The following SHOC2 variants were observed in gnomAD, a reference collection of about 807,000 sequenced individuals.
The protein encoded by SHOC2 is SHOC2 leucine rich repeat scaffold protein.
SHOC2 carries 4 observed loss-of-function variants against 50.2 expected under a neutral mutation model. The ratio of observed to expected loss-of-function variants is 0.08; its 90% CI spans 0.04 to 0.18. The LOEUF is 0.18. Among genes scored for constraint, SHOC2 ranks in the 10% least tolerant of loss-of-function variants. SHOC2 has a pLI of 1.00. For synonymous variants in SHOC2, 218 were observed against 244.5 expected, an observed-to-expected ratio of 0.89 and a Z score of 1.01; for missense variants, 388 against 669.6, an observed-to-expected ratio of 0.58 and a Z score of 4.64.
In SHOC2 at chr10:110,936,573, A is replaced by G. The variant is rs773070193; in HGVS notation, c.-235+16916A>G. 7 of 512,046 alleles carry G rather than the reference A, an allele frequency of 1.4e-5. 1 individual carries two copies. The highest frequency in any genetic ancestry group is 2.3e-5 in the Non-Finnish European group (7 of 302,744). The allele number at this position is 512,046 out of a possible 1,614,324, so 31.7% of individuals were successfully genotyped here. On this transcript the variant is annotated intron_variant, in intron 1 of 8. Transcript: ENST00000369452. The stretch of plus-strand genomic sequence containing the variant: ...GCATCAGCTTTTCTTAGGAAAGGGC[A>G]TGTCCTTTTCTTTTCCTTTTTTTTT...
chr10:110,940,658 T>C (rs1037832133), intron 1 of SHOC2, among the ~76,000 whole-genome samples: 1 of 152,200 alleles, frequency 6.6e-6, no homozygotes, highest in Non-Finnish European at 1.5e-5. Flanking sequence ...TATTGTCATC[T>C]TTATTTACTG....
chr10:110,958,475 A>G (rs1306239174), intron 1 of SHOC2, among the ~76,000 whole-genome samples: 1 of 151,990 alleles, frequency 6.6e-6, no homozygotes, highest in Non-Finnish European at 1.5e-5. Context: ...GCCTCCCAAG[A>G]TGCTAGGATT....
chr10:111,002,368 C>T (rs1848394718), intron 4 of SHOC2, among the ~76,000 whole-genome samples: 1 of 152,162 alleles, frequency 6.6e-6, no homozygotes, highest in African/African-American at 2.4e-5. Context: ...GGCAAGAAAT[C>T]ATGAAAGTGG....
chr10:110,984,910 T>C (rs560310649), intron 2 of SHOC2, among the ~76,000 whole-genome samples: 29 of 152,272 alleles, frequency 1.9e-4, no homozygotes, highest in African/African-American at 6.7e-4. Context: ...CACAATCAAC[T>C]TGAACACCTT....
intron 2 of SHOC2, among the ~76,000 whole-genome samples, chr10:110,971,985 A>C (rs1444855145): frequency 2.0e-5 from 3 of 151,794 alleles, no homozygotes; most frequent in Non-Finnish European, 1.5e-5. Context: ...AGTTGACCTT[A>C]AGAGATTTAA....
At chr10:110,944,384 CAAA>C (rs11386096) in intron 1 of SHOC2, among the ~76,000 whole-genome samples, 2 of 135,980 alleles carry the variant, frequency 1.5e-5, no homozygotes, top group Admixed American at 7.3e-5. Flanking sequence ...ATCTTTGAGC[CAAA>C]AAAAAAAAAA....
At chr10:110,999,541 A>C (rs1301751679) in intron 3 of SHOC2, among the ~76,000 whole-genome samples, 2 of 152,064 alleles carry the variant, frequency 1.3e-5, no homozygotes, top group African/African-American at 4.8e-5. Flanking sequence ...GTTCAAGACC[A>C]GCCTGGCCAA....
At chr10:111,008,863 TAATA>T (rs1848516861) in intron 6 of SHOC2, among the ~76,000 whole-genome samples, 1 of 152,068 alleles carries the variant, frequency 6.6e-6, no homozygotes, top group African/African-American at 2.4e-5. Flanking sequence ...ACACCACAGA[TAATA>T]AATAGAGTGG....
intron 2 of SHOC2, among the ~76,000 whole-genome samples, chr10:110,972,010 T>C (rs575337824): frequency 2.7e-4 from 41 of 151,786 alleles, no homozygotes; most frequent in Non-Finnish European, 3.8e-4. Flanking sequence ...ACTCCTATTA[T>C]GTAATTTTTC....
At chr10:111,009,127 C>T (rs894770087) in intron 6 of SHOC2, 121 bp from the exon 7 acceptor site, 2 of 577,750 alleles carry the variant, frequency 3.5e-6, no homozygotes, top group African/African-American at 3.8e-5. Context: ...TATAATTGAA[C>T]ATCACCCTTA....
intron 1 of SHOC2, among the ~76,000 whole-genome samples, chr10:110,932,783 A>T (rs1407708598): frequency 6.6e-6 from 1 of 152,086 alleles, no homozygotes; most frequent in Non-Finnish European, 1.5e-5. Context: ...TCAGGCAAGG[A>T]TTGTGCTTTA....
chr10:110,954,534 A>G (rs1847420521), intron 1 of SHOC2, among the ~76,000 whole-genome samples: 2 of 152,220 alleles, frequency 1.3e-5, no homozygotes, highest in Admixed American at 1.3e-4. Context: ...GGTCTTAACT[A>G]CTATAAAACA....
chr10:110,944,433 C>A (rs1847210141), intron 1 of SHOC2, among the ~76,000 whole-genome samples: 1 of 146,908 alleles, frequency 6.8e-6, no homozygotes. Context: ...AGTCCAATAT[C>A]TGGATTTCCT....
In SHOC2 at chr10:110,977,807, G is replaced by A. The variant is rs189905222; in HGVS notation, c.704-7821G>A. ...TCCCTGATAAACTATATATTATGAG[G>A]TCTTTTTGTGGCTGGTAGGAATTCA... is the stretch of plus-strand genomic sequence containing the variant. On this transcript the variant is annotated intron_variant, in intron 2 of 8. Coordinates refer to ENST00000369452, the MANE Select transcript of SHOC2 (RefSeq NM_007373.4). Among the ~76,000 whole-genome samples the A allele has an allele frequency of 1.5e-3, 236 of 152,268 alleles. 2 individuals are homozygous for A. Among genetic ancestry groups the A allele is most frequent in the Non-Finnish European group, 2.8e-3 (191 of 68,014 alleles).
intron 1 of SHOC2, among the ~76,000 whole-genome samples, chr10:110,946,009 TCTAA>T (rs1366261124): frequency 1.3e-5 from 2 of 152,112 alleles, no homozygotes; most frequent in Admixed American, 6.5e-5. Flanking sequence ...CTCTTCCTGT[TCTAA>T]CTGATACCCT....
chr10:110,974,786 T>A (rs1847845581), intron 2 of SHOC2, among the ~76,000 whole-genome samples: 1 of 152,200 alleles, frequency 6.6e-6, no homozygotes, highest in Admixed American at 6.5e-5. Flanking sequence ...AGAACACCTT[T>A]ATTTCCCTCC....
At chr10:111,005,055 A>G (rs796420130) in intron 5 of SHOC2, among the ~76,000 whole-genome samples, 12 of 152,308 alleles carry the variant, frequency 7.9e-5, no homozygotes, top group African/African-American at 2.6e-4. Context: ...TGGAAGGCTA[A>G]GGTGGGAGGA....
intron 5 of SHOC2, among the ~76,000 whole-genome samples, chr10:111,007,078 T>C (rs1371795430): frequency 6.6e-6 from 1 of 152,220 alleles, no homozygotes; most frequent in African/African-American, 2.4e-5. Context: ...TCCCCTACTT[T>C]ACTGCTCAGC....
chr10:110,973,881 C>CTA (rs1018921122), intron 2 of SHOC2, among the ~76,000 whole-genome samples: 517 of 149,468 alleles, frequency 3.5e-3, no homozygotes, highest in African/African-American at 9.3e-3. Flanking sequence ...TATATATACA[C>CTA]TATATATATA....
Sources: allele counts gnomAD v4.1 joint callset (sites outside exome capture counted in the v4.1 genomes callset), GRCh38; gene constraint gnomAD v4.1.1; transcripts MANE v1.5; gene names NCBI Gene and HGNC (gene_info 2026-07-23, HGNC 2026-07-21).